HSD17B4: variants seen among roughly 807,000 people sequenced by gnomAD.
HSD17B4 encodes the protein peroxisomal multifunctional enzyme type 2.
Under a neutral mutation model 101.0 loss-of-function variants are expected in HSD17B4, and 70 were observed. The ratio of observed to expected loss-of-function variants is 0.69; its 90% CI spans 0.57 to 0.85. The LOEUF (loss-of-function observed/expected upper bound fraction) is 0.85, where lower values mean the gene tolerates loss of function less well. Ranked by LOEUF, HSD17B4 falls within the 40% of genes least tolerant of loss-of-function variation. The probability of loss-of-function intolerance (pLI) is 0.00; values close to 1 mark genes in which losing one functional copy is unlikely to be tolerated. For synonymous variants in HSD17B4, 347 were observed against 297.1 expected (o/e 1.17, Z -1.73); for missense variants, 984 against 892.4 (o/e 1.10, Z -1.31).
intron 17 of HSD17B4, among the ~76,000 whole-genome samples, chr5:119,517,370 C>A (rs1277944958): frequency 6.6e-6 from 1 of 152,214 alleles, no homozygotes; most frequent in Admixed American, 6.5e-5. Context: ...CTGCAGCCCG[C>A]CATGCCTGAG....
chr5:119,511,252 A>G (rs1200981382), intron 16 of HSD17B4, among the ~76,000 whole-genome samples: 1 of 152,212 alleles, frequency 6.6e-6, no homozygotes, highest in East Asian at 1.9e-4. Context: ...TGGAAGTTCA[A>G]GCATAGGGAT....
chr5:119,532,252 G>T (rs554862192), intron 22 of HSD17B4, among the ~76,000 whole-genome samples: 1 of 152,192 alleles, frequency 6.6e-6, no homozygotes, highest in African/African-American at 2.4e-5. Context: ...AGCAGAGTCT[G>T]TTGCTTGTCA....
intron 16 of HSD17B4, among the ~76,000 whole-genome samples, chr5:119,512,563 G>GAA (rs552316949): frequency 1.4e-5 from 2 of 139,680 alleles, no homozygotes; most frequent in African/African-American, 2.6e-5. Context: ...GTGCTGAAAG[G>GAA]AAAAAAAAAA....
chr5:119,511,643 G>A lies in HSD17B4; in HGVS notation c.1437+2399G>A, dbSNP rs139509423. 1.2e-3 allele frequency among the ~76,000 whole-genome samples: 183 copies of A among 152,110 alleles called. 2 individuals carry two copies. The highest frequency in any genetic ancestry group is 0.01 in the Middle Eastern group (3 of 294). On this transcript the variant is annotated intron_variant, in intron 16 of 23. Transcript: ENST00000510025. ...AGAGCCTGCTAAAACCAGTGTCATC[G>A]TAGGGTGACTGCACCTACTCAAGGT...
chr5:119,497,269 C>T (rs1164977575), intron 12 of HSD17B4, among the ~76,000 whole-genome samples: 1 of 152,106 alleles, frequency 6.6e-6, no homozygotes, highest in Non-Finnish European at 1.5e-5. Flanking sequence ...CTCATTTTTA[C>T]CCCCTGCAAT....
intron 7 of HSD17B4, 43 bp downstream of exon 7, chr5:119,477,544 G>A: frequency 7.6e-7 from 1 of 1,321,820 alleles, no homozygotes. Flanking sequence ...AAGATGTTGT[G>A]TCTGGGGGTT....
At chr5:119,509,314 A>C in intron 16 of HSD17B4, 70 bp downstream of exon 16, 1 of 981,030 alleles carries the variant, frequency 1.0e-6, no homozygotes, top group South Asian at 1.3e-5. Context: ...TGAGACTTGA[A>C]CAGCATGAGT....
At chr5:119,525,872 C>G (rs1456298954) in intron 18 of HSD17B4, 45 bp from the exon 19 acceptor site, 9 of 1,124,274 alleles carry the variant, frequency 8.0e-6, no homozygotes, top group Non-Finnish European at 1.1e-5. Context: ...GATTTTTAAA[C>G]TTTAAAGGTA....
chr5:119,517,372 A>C (rs1752719359), intron 17 of HSD17B4, among the ~76,000 whole-genome samples: 1 of 152,154 alleles, frequency 6.6e-6, no homozygotes, highest in Non-Finnish European at 1.5e-5. Flanking sequence ...GCAGCCCGCC[A>C]TGCCTGAGCC....
intron 11 of HSD17B4, among the ~76,000 whole-genome samples, chr5:119,494,325 TTTTCTTTCTTTCTTTCTTTCTTTC>T (rs66578057): frequency 4.5e-4 from 50 of 111,612 alleles, no homozygotes; most frequent in East Asian, 1.0e-3. Flanking sequence ...TCTTTCTTTC[TTTTCTTTCTTTCTTTCTTTCTTTC>T]TTTCTTTCTT....
Position 119,513,266 on chromosome 5 carries a change from C to T in HSD17B4, c.1438-1715C>T, listed in dbSNP as rs1279574871. Among the ~76,000 whole-genome samples the T allele has an allele frequency of 2.6e-5, 4 of 152,162 alleles. No individual in the cohort carries two copies. The South Asian group carries it at 6.2e-4, about 24-fold the overall frequency. On this transcript the variant is annotated intron_variant, in intron 16 of 23. Coordinates refer to ENST00000510025, the MANE Select transcript of HSD17B4 (RefSeq NM_000414.4). ...ATGTTATATTCACTCTTAAAACATC[C>T]AAGCTTTTAGTGAAGATATTATTTT...
chr5:119,479,552 A>G (rs1000036445), intron 8 of HSD17B4, among the ~76,000 whole-genome samples: 1 of 152,168 alleles, frequency 6.6e-6, no homozygotes, highest in Non-Finnish European at 1.5e-5. Context: ...TCACAAATGC[A>G]TAAAGTTATG....
chr5:119,456,221 T>C, intron 1 of HSD17B4, 94 bp from the exon 2 acceptor site: 1 of 801,380 alleles, frequency 1.2e-6, no homozygotes, highest in Non-Finnish European at 2.3e-6. Context: ...TAATTAATTG[T>C]TCACCAATTT....
In HSD17B4 at chr5:119,496,577, A is replaced by C; in HGVS notation, c.903A>C (p.Lys301Asn). 1 of 1,600,452 alleles carries C rather than the reference A, an allele frequency of 6.2e-7. No homozygotes were observed. The highest frequency in any genetic ancestry group is 8.6e-7 in the Non-Finnish European group (1 of 1,167,644). The change falls in exon 12 of 24, where the codon AAA becomes AAC. Residue 301 changes from lysine to asparagine, a missense_variant. Coordinates refer to ENST00000510025, the MANE Select transcript of HSD17B4 (RefSeq NM_000414.4). ...STGSIIEVLS[K>N]IDSEGGVSAN... The stretch of plus-strand genomic sequence containing the variant: ...GCAGTATAATTGAAGTTCTGAGTAA[A>C]ATAGATTCAGAAGGAGGAGTTTCAG...
chr5:119,460,383 T>G (rs1425999744), intron 2 of HSD17B4, among the ~76,000 whole-genome samples: 2 of 152,206 alleles, frequency 1.3e-5, no homozygotes, highest in Non-Finnish European at 2.9e-5. Context: ...AAGGCACATG[T>G]GAATTCCAGC....
chr5:119,523,625 G>A (rs185239871), intron 17 of HSD17B4, among the ~76,000 whole-genome samples: 1 of 152,120 alleles, frequency 6.6e-6, no homozygotes, highest in Admixed American at 6.5e-5. Context: ...ATATTAATAC[G>A]ATTTCTTCAG....
At chr5:119,475,079 T>G (rs1171497922) in intron 4 of HSD17B4, among the ~76,000 whole-genome samples, 10 of 152,168 alleles carry the variant, frequency 6.6e-5, no homozygotes, top group African/African-American at 1.9e-4. Context: ...CTCCCTTTTT[T>G]GTTTGGTCTA....
At chr5:119,512,826 A>G (rs1336611285) in intron 16 of HSD17B4, among the ~76,000 whole-genome samples, 2 of 152,172 alleles carry the variant, frequency 1.3e-5, no homozygotes, top group Non-Finnish European at 2.9e-5. Context: ...GCTGGAGGAG[A>G]AAGGAGACAA....
At chr5:119,517,981 T>C (rs989661131) in intron 17 of HSD17B4, among the ~76,000 whole-genome samples, 1 of 152,118 alleles carries the variant, frequency 6.6e-6, no homozygotes, top group Non-Finnish European at 1.5e-5. Flanking sequence ...TCAGGGATTG[T>C]AAACGCACCA....
Sources: allele counts gnomAD v4.1 joint callset (sites outside exome capture counted in the v4.1 genomes callset), GRCh38; gene constraint gnomAD v4.1.1; transcripts MANE v1.5; gene names NCBI Gene and HGNC (gene_info 2026-07-23, HGNC 2026-07-21).